The following CACNA1S variants were observed in gnomAD, a reference collection of about 807,000 sequenced individuals.
CACNA1S encodes the protein calcium voltage-gated channel subunit alpha1 S, also known as voltage-dependent L-type calcium channel subunit alpha-1S.
A neutral mutation model predicts 207.4 loss-of-function variants in CACNA1S; 126 were observed. That is an observed-to-expected ratio of 0.61 (90% CI 0.53 to 0.70). The LOEUF is 0.70. Ranked by LOEUF, CACNA1S falls within the 30% of genes least tolerant of loss-of-function variation. The pLI is 0.00. For synonymous variants in CACNA1S, 960 were observed against 932.7 expected (o/e 1.03, Z -0.53); for missense variants, 2,349 against 2,422.8 (o/e 0.97, Z 0.64).
At chr1:201,088,277 T>C (rs1440613862) in intron 6 of CACNA1S, among the ~76,000 whole-genome samples, 1 of 152,232 alleles carries the variant, frequency 6.6e-6, no homozygotes. Flanking sequence ...CCAAGATTTT[T>C]CAAATGAACA....
chr1:201,062,094 T>A lies in CACNA1S; in HGVS notation c.2907-4A>T. On this transcript the variant is annotated splice_region_variant and splice_polypyrimidine_tract_variant and intron_variant, in intron 23 of 43. Coordinates refer to ENST00000362061, the MANE Select transcript of CACNA1S (RefSeq NM_000069.3). ...CTTGTACACGTAGTAGTAGCCCCTG[T>A]GGCAGGGAGGCCCAGTCACTCCACA... is the stretch of plus-strand genomic sequence containing the variant. The A allele has an allele frequency of 1.9e-6, 3 of 1,613,410 alleles. No individual in the cohort carries two copies. Among genetic ancestry groups the A allele is most frequent in the South Asian group, 1.1e-5 (1 of 90,910 alleles).
intron 2 of CACNA1S, among the ~76,000 whole-genome samples, chr1:201,106,410 C>T (rs184955755): frequency 1.3e-5 from 2 of 152,210 alleles, no homozygotes; most frequent in Non-Finnish European, 2.9e-5. Context: ...TCTCTTGCCT[C>T]CAGCCCTTTG....
chr1:201,040,309 C>T lies in CACNA1S; in HGVS notation c.5292G>A (p.Glu1764=), dbSNP rs754386991. The change falls in exon 43 of 44, where the codon GAG becomes GAA. Residue 1764 remains glutamate, a synonymous_variant. Transcript: ENST00000362061. ...RKSSTPGSLH[E]ETPHSRSTRE... is the part of the protein sequence containing the mutation. ...TGGTGCTCCTGCTGTGGGGTGTCTC[C>T]TCATGAAGAGACCCTGGTGTGGAGC... 9 of 1,613,668 alleles carry T rather than the reference C, an allele frequency of 5.6e-6. No individual in the cohort carries two copies. The East Asian group carries it at 2.0e-4, about 36-fold the overall frequency.
chr1:201,041,321 T>TC (rs1199954943), intron 41 of CACNA1S, among the ~76,000 whole-genome samples, 183 bp downstream of exon 41: 3 of 152,050 alleles, frequency 2.0e-5, no homozygotes, highest in Admixed American at 2.0e-4. Flanking sequence ...GTGCCCTGCT[T>TC]CCCCCCTGGA....
At chr1:201,073,508 G>A (rs756889729) in intron 15 of CACNA1S, 41 bp downstream of exon 15, 1 of 1,465,606 alleles carries the variant, frequency 6.8e-7, no homozygotes, top group Admixed American at 1.7e-5. Context: ...GATTGGAAGA[G>A]CCCCTAGACT....
intron 6 of CACNA1S, among the ~76,000 whole-genome samples, chr1:201,088,269 A>C (rs751958434): frequency 1.3e-5 from 2 of 152,326 alleles, no homozygotes; most frequent in Non-Finnish European, 2.9e-5. Flanking sequence ...ATTTAAAGCC[A>C]AGATTTTTCA....
rs766940402 is a variant in CACNA1S, at chr1:201,112,229, C to T, written c.111G>A (p.Glu37=). 3.1e-6 allele frequency: 5 copies of T among 1,613,812 alleles called. No homozygotes were observed. Among genetic ancestry groups the T allele is most frequent in the Admixed American group, 3.3e-5 (2 of 59,992 alleles). ...TGATGCAGGCCTTCCTCAGGGGGTT[C>T]TCCAGGGTCAGGCAGAACAAGGCCC... The part of the protein sequence containing the change: ...PPRALFCLTL[E]NPLRKACISI... The change falls in exon 1 of 44, where the codon GAG becomes GAA. Residue 37 remains glutamate, a synonymous_variant. Coordinates refer to ENST00000362061, the MANE Select transcript of CACNA1S (RefSeq NM_000069.3).
intron 2 of CACNA1S, among the ~76,000 whole-genome samples, chr1:201,106,907 A>T (rs2102186098): frequency 6.6e-6 from 1 of 152,296 alleles, no homozygotes; most frequent in South Asian, 2.1e-4. Context: ...TAGGTCATTT[A>T]CTGAATGGAC....
At chr1:201,089,106 T>C (rs1662131135) in intron 6 of CACNA1S, 152 bp downstream of exon 6, 1 of 734,206 alleles carries the variant, frequency 1.4e-6, no homozygotes, top group Non-Finnish European at 2.4e-6. Context: ...ACACACATCC[T>C]GTATAGATTC....
chr1:201,065,735 AT>A (rs1558064774), intron 22 of CACNA1S, 102 bp downstream of exon 22: 1 of 774,838 alleles, frequency 1.3e-6, no homozygotes, highest in Non-Finnish European at 2.3e-6. Context: ...AAATCTGTGC[AT>A]TCGAAGACAT....
At chr1:201,067,317 A>G (rs981216150) in intron 19 of CACNA1S, among the ~76,000 whole-genome samples, 3 of 151,956 alleles carry the variant, frequency 2.0e-5, no homozygotes, top group African/African-American at 4.8e-5. Flanking sequence ...GGGACATAAA[A>G]CTTCTCCTTC....
chr1:201,084,977 G>T lies in CACNA1S; in HGVS notation c.1205C>A (p.Ala402Glu), dbSNP rs747066962. 3.1e-6 allele frequency: 5 copies of T among 1,612,622 alleles called. No individual in the cohort carries two copies. In the African/African-American group the frequency reaches 4.0e-5, roughly 13 times the overall value. ...GSDTESLYEI[A>E]GLNKIIQFIR... ...GAACTGGATGATTTTGTTCAAGCCTGCAATTTCATACAGGCTCTCTGTGTC... is the reference window on the plus strand; with the variant it reads ...GAACTGGATGATTTTGTTCAAGCCTTCAATTTCATACAGGCTCTCTGTGTC... Residue 402 changes from alanine (A) to glutamate (E), a missense_variant, in exon 9 of 44, where the codon GCA becomes GAA. Coordinates refer to ENST00000362061, the MANE Select transcript of CACNA1S (RefSeq NM_000069.3).
Position 201,085,569 on chromosome 1 carries a change from C to T in CACNA1S, c.1017G>A (p.Lys339=). 3 of 1,613,702 alleles carry T rather than the reference C, an allele frequency of 1.9e-6. No homozygotes were observed. The highest frequency in any genetic ancestry group is 1.7e-5 in the Admixed American group (1 of 59,970). ...VLGVLSGEFT[K]EREKAKSRGT... ...CCCTGGACTTGGCCTTCTCCCGCTC[C>T]TTGGTGAATTCCCTGAAATGAGATG... Residue 339 remains lysine (K), a synonymous_variant, in exon 8 of 44, where the codon AAG becomes AAA. Transcript: ENST00000362061.
intron 39 of CACNA1S, 104 bp downstream of exon 39, chr1:201,044,224 C>G (rs560861791): frequency 5.5e-6 from 8 of 1,459,316 alleles, no homozygotes; most frequent in African/African-American, 2.8e-5. Flanking sequence ...ATCTTCAGCT[C>G]CCATGTCCCC....
At chr1:201,043,255 C>T in intron 40 of CACNA1S, 26 bp downstream of exon 40, 1 of 1,613,982 alleles carries the variant, frequency 6.2e-7, no homozygotes, top group Non-Finnish European at 8.5e-7. Flanking sequence ...ACCTCTACAC[C>T]CAGGGATGGC....
chr1:201,057,863 A>C (rs1660901329), intron 28 of CACNA1S, among the ~76,000 whole-genome samples: 1 of 151,930 alleles, frequency 6.6e-6, no homozygotes, highest in Non-Finnish European at 1.5e-5. Flanking sequence ...CTGTTTAAAA[A>C]CCTTTAGTGA....
chr1:201,078,507 A>G (rs1661713362), intron 10 of CACNA1S, among the ~76,000 whole-genome samples: 2 of 111,764 alleles, frequency 1.8e-5, no homozygotes, highest in South Asian at 7.5e-4. Context: ...GCGAATTTTT[A>G]AATTAGCTTC....
intron 19 of CACNA1S, among the ~76,000 whole-genome samples, chr1:201,068,486 G>A (rs540657741): frequency 3.3e-5 from 5 of 150,054 alleles, no homozygotes; most frequent in East Asian, 2.0e-4. Flanking sequence ...CAGGTGATCC[G>A]CCCGCCTCGG....
rs528356114 is a variant in CACNA1S at position 201,069,223 on chromosome 1, G to A, written c.2491-27C>T. The A allele has an allele frequency of 1.9e-5, 31 of 1,607,590 alleles. No individual in the cohort carries two copies. The South Asian group carries it at 3.2e-4, about 17-fold the overall frequency. ...TGGGGACAGGGCAGGGGCGGGAGCAGCCAGTGAGAGGAGGAGGGGGCAACA... is the reference window on the plus strand; with the variant it reads ...TGGGGACAGGGCAGGGGCGGGAGCAACCAGTGAGAGGAGGAGGGGGCAACA... On this transcript the variant is annotated intron_variant, in intron 18 of 43. Coordinates refer to ENST00000362061, the MANE Select transcript of CACNA1S (RefSeq NM_000069.3).
Sources: allele counts gnomAD v4.1 joint callset (sites outside exome capture counted in the v4.1 genomes callset), GRCh38; gene constraint gnomAD v4.1.1; transcripts MANE v1.5; gene names NCBI Gene and HGNC (gene_info 2026-07-23, HGNC 2026-07-21).